IL1RAP: variants seen among roughly 807,000 people sequenced by gnomAD.
IL1RAP encodes the protein interleukin-1 receptor accessory protein.
In IL1RAP, 35 loss-of-function variants were observed where a neutral mutation model predicts 60.7. That is an observed-to-expected ratio of 0.58 (90% CI 0.44 to 0.76). The LOEUF (loss-of-function observed/expected upper bound fraction) is 0.76. IL1RAP is among the 30% of genes least tolerant of loss of function. The pLI is 0.00. For synonymous variants in IL1RAP, 268 were observed against 250.9 expected (o/e 1.07, Z -0.64); for missense variants, 572 against 693.9 (o/e 0.82, Z 1.97).
intron 9 of IL1RAP, among the ~76,000 whole-genome samples, chr3:190,642,872 C>T (rs77453048): frequency 0.012 from 1,846 of 152,226 alleles, 35 homozygotes; most frequent in African/African-American, 0.042. Flanking sequence ...CAATTTAAGC[C>T]ACTCCTGCTT....
rs114678276 is a variant in IL1RAP at position 190,639,020 on chromosome 3, T to C, written c.1052-5228T>C. On this transcript the variant is annotated intron_variant, in intron 9 of 11. Coordinates refer to ENST00000447382, the MANE Select transcript of IL1RAP (RefSeq NM_002182.4). The stretch of plus-strand genomic sequence containing the variant: ...TATTTTTGTGCCCTTTATGTATTTG[T>C]TATGTTTTTCTTTGGCAGATTTTAA... Among the ~76,000 whole-genome samples, 769 of 152,278 alleles carry C rather than the reference T, an allele frequency of 5.0e-3. 7 individuals are homozygous for C. The highest frequency in any genetic ancestry group is 0.018 in the African/African-American group (747 of 41,554).
chr3:190,529,191 A>C (rs1722762493), intron 1 of IL1RAP, among the ~76,000 whole-genome samples: 1 of 152,176 alleles, frequency 6.6e-6, no homozygotes, highest in Admixed American at 6.5e-5. Flanking sequence ...GGAATTTCAC[A>C]TCTGCCTGGC....
chr3:190,589,064 T>C (rs1446009787), intron 3 of IL1RAP, among the ~76,000 whole-genome samples: 2 of 152,188 alleles, frequency 1.3e-5, no homozygotes. Context: ...ATCTGTATAA[T>C]GTGTCATGGG....
intron 8 of IL1RAP, among the ~76,000 whole-genome samples, chr3:190,628,836 G>A (rs1013571486): frequency 6.6e-6 from 1 of 152,158 alleles, no homozygotes; most frequent in Non-Finnish European, 1.5e-5. Context: ...TAATATTCAT[G>A]CCTTAGCATA....
downstream of IL1RAP, among the ~76,000 whole-genome samples, chr3:190,654,735 C>T (rs1444249835): frequency 6.6e-6 from 1 of 152,198 alleles, no homozygotes; most frequent in East Asian, 1.9e-4. Context: ...GTCCCTGGAC[C>T]AAAAGCAGAG....
At chr3:190,593,753 T>A (rs1275097324) in intron 3 of IL1RAP, among the ~76,000 whole-genome samples, 3 of 152,046 alleles carry the variant, frequency 2.0e-5, no homozygotes, top group Non-Finnish European at 2.9e-5. Flanking sequence ...TCCCACGACA[T>A]TTGGGAATTA....
chr3:190,615,724 G>GTGAAGTTAATCAGAAT (rs11273559), intron 5 of IL1RAP, among the ~76,000 whole-genome samples: 5 of 151,914 alleles, frequency 3.3e-5, no homozygotes, highest in African/African-American at 1.2e-4. Flanking sequence ...CATTTTTATT[G>GTGAAGTTAATCAGAAT]TGGTCAAGCA....
At chr3:190,539,661 G>T (rs376704948) in intron 1 of IL1RAP, among the ~76,000 whole-genome samples, 2 of 150,882 alleles carry the variant, frequency 1.3e-5, no homozygotes, top group African/African-American at 4.9e-5. Context: ...TAAAATTACA[G>T]TGTGTATAAA....
intron 9 of IL1RAP, among the ~76,000 whole-genome samples, chr3:190,634,236 C>T (rs1297147154): frequency 6.6e-6 from 1 of 151,096 alleles, no homozygotes; most frequent in Non-Finnish European, 1.5e-5. Context: ...TTATATATTA[C>T]TGGATTTGAT....
chr3:190,613,745 A>G (rs146345031), intron 5 of IL1RAP, among the ~76,000 whole-genome samples: 2,369 of 152,172 alleles, frequency 0.016, 56 homozygotes, highest in African/African-American at 0.047. Flanking sequence ...AGGCAGGAGA[A>G]TAGCTTGAAC....
intron 3 of IL1RAP, among the ~76,000 whole-genome samples, chr3:190,596,900 A>G (rs1729423545): frequency 6.6e-6 from 1 of 152,164 alleles, no homozygotes; most frequent in Non-Finnish European, 1.5e-5. Context: ...TTATTTGTTC[A>G]TTGAATAATA....
intron 1 of IL1RAP, among the ~76,000 whole-genome samples, chr3:190,549,224 C>T (rs569958928): frequency 1.2e-3 from 189 of 152,292 alleles, no homozygotes; most frequent in African/African-American, 4.1e-3. Context: ...CTCTTGCAAA[C>T]GGTGTGAACC....
intron 1 of IL1RAP, among the ~76,000 whole-genome samples, chr3:190,522,162 T>A (rs954650155): frequency 6.6e-6 from 1 of 151,842 alleles, no homozygotes; most frequent in South Asian, 2.1e-4. Context: ...ATGAATAGAG[T>A]AGATCGTAAG....
At chr3:190,551,364 G>A (rs761228236) in intron 1 of IL1RAP, among the ~76,000 whole-genome samples, 2 of 152,168 alleles carry the variant, frequency 1.3e-5, no homozygotes, top group Non-Finnish European at 1.5e-5. Context: ...TGATGCAAAC[G>A]ACTATATTGC....
At chr3:190,639,431 G>A (rs977046996) in intron 9 of IL1RAP, among the ~76,000 whole-genome samples, 1 of 151,766 alleles carries the variant, frequency 6.6e-6, no homozygotes, top group Admixed American at 6.6e-5. Flanking sequence ...TTTCAGAATT[G>A]TATCTTTTAG....
At chr3:190,631,217 AG>A (rs1197199682) in intron 9 of IL1RAP, among the ~76,000 whole-genome samples, 1 of 152,178 alleles carries the variant, frequency 6.6e-6, no homozygotes, top group African/African-American at 2.4e-5. Flanking sequence ...TCATCTTCTG[AG>A]GGATGTATCC....
intron 3 of IL1RAP, among the ~76,000 whole-genome samples, chr3:190,600,152 G>C (rs1467384020): frequency 6.6e-6 from 1 of 152,122 alleles, no homozygotes; most frequent in African/African-American, 2.4e-5. Context: ...AAGCCGTGAT[G>C]CTCGTTAAAC....
intron 9 of IL1RAP, among the ~76,000 whole-genome samples, chr3:190,631,774 T>C (rs149738304): frequency 9.9e-5 from 15 of 152,220 alleles, no homozygotes; most frequent in African/African-American, 3.4e-4. Flanking sequence ...GGCAGTTGTT[T>C]TATTTATATT....
intron 3 of IL1RAP, among the ~76,000 whole-genome samples, chr3:190,568,411 C>A (rs991816448): frequency 6.6e-6 from 1 of 152,126 alleles, no homozygotes; most frequent in African/African-American, 2.4e-5. Context: ...ACTATAATTG[C>A]CTTTCTTTAG....
Sources: gnomAD v4.1 joint callset for allele counts (sites outside exome capture counted in the v4.1 genomes callset) on GRCh38, gnomAD v4.1.1 for gene constraint, MANE v1.5 for transcripts, NCBI Gene and HGNC (gene_info 2026-07-23, HGNC 2026-07-21) for gene names.